The following UXS1 variants were observed in gnomAD, a reference collection of about 807,000 sequenced individuals.
UXS1 encodes the protein UDP-glucuronic acid decarboxylase 1.
In UXS1, 33 loss-of-function variants were observed where a neutral mutation model predicts 62.6. That is an observed-to-expected ratio of 0.53 (90% CI 0.40 to 0.70). The LOEUF is 0.70. Among genes scored for constraint, UXS1 ranks in the 30% least tolerant of loss-of-function variants. The probability of loss-of-function intolerance (pLI) is 0.00; values close to 1 mark genes in which losing one functional copy is unlikely to be tolerated. For missense variants in UXS1, 434 were observed against 556.3 expected, an observed-to-expected ratio of 0.78 and a Z score of 2.21; for synonymous variants, 213 against 206.8, an observed-to-expected ratio of 1.03 and a Z score of -0.26.
intron 1 of UXS1, among the ~76,000 whole-genome samples, chr2:106,193,053 C>T (rs903039955): frequency 1.3e-5 from 2 of 152,162 alleles, no homozygotes; most frequent in African/African-American, 4.8e-5. Flanking sequence ...CGCCTGAAAC[C>T]TCCCCTAGCA....
At chr2:106,106,050 G>T (rs1020675024) in intron 10 of UXS1, among the ~76,000 whole-genome samples, 1 of 152,180 alleles carries the variant, frequency 6.6e-6, no homozygotes, top group African/African-American at 2.4e-5. Context: ...AGGAAAAGGG[G>T]AAGGATCAGG....
intron 1 of UXS1, among the ~76,000 whole-genome samples, chr2:106,190,844 C>T (rs1279406388): frequency 6.6e-6 from 1 of 151,254 alleles, no homozygotes; most frequent in Non-Finnish European, 1.5e-5. Context: ...ACTTTTTACA[C>T]TATATGCATG....
At chr2:106,175,188 G>T (rs530229246) in intron 1 of UXS1, among the ~76,000 whole-genome samples, 1 of 152,284 alleles carries the variant, frequency 6.6e-6, no homozygotes, top group South Asian at 2.1e-4. Flanking sequence ...CATTCAAAAT[G>T]GAAATCTTGT....
rs1676848208 is a variant in UXS1, at chr2:106,093,716, TAAATA to T, written c.*305_*309del. 1 of 249,008 alleles carries T rather than the reference TAAATA, an allele frequency of 4.0e-6. No homozygotes were observed. Among genetic ancestry groups the T allele is most frequent in the Non-Finnish European group, 7.6e-6 (1 of 132,338 alleles). 15.4% of individuals were successfully genotyped at this position (249,008 alleles called of 1,614,324 possible). The stretch of plus-strand genomic sequence containing the variant: ...CTTTTCAGCTTCACAAAGAAACCAG[TAAATA>T]AAACTGTCAACGACAGTCACAACAT... On this transcript the variant is annotated 3_prime_UTR_variant, in exon 15 of 15. Transcript: ENST00000283148.
chr2:106,172,892 A>G (rs1233908529), intron 1 of UXS1, among the ~76,000 whole-genome samples: 2 of 152,062 alleles, frequency 1.3e-5, no homozygotes, highest in Non-Finnish European at 2.9e-5. Flanking sequence ...CTTTGCACTT[A>G]CACTTCTCCC....
intron 14 of UXS1, among the ~76,000 whole-genome samples, chr2:106,095,837 G>T (rs1014557024): frequency 2.0e-5 from 3 of 152,254 alleles, no homozygotes; most frequent in African/African-American, 7.2e-5. Context: ...CAGCCCTGAG[G>T]ACGAGCGTTC....
intron 1 of UXS1, among the ~76,000 whole-genome samples, chr2:106,178,561 T>G (rs1291173186): frequency 6.6e-6 from 1 of 151,160 alleles, no homozygotes; most frequent in Non-Finnish European, 1.5e-5. Context: ...CAAGTGGGTG[T>G]GTGTGTGTAT....
chr2:106,128,739 T>C (rs1680183938), intron 7 of UXS1, among the ~76,000 whole-genome samples: 1 of 152,214 alleles, frequency 6.6e-6, no homozygotes, highest in African/African-American at 2.4e-5. Context: ...CTACACATCC[T>C]ATTGGTTCTG....
intron 6 of UXS1, among the ~76,000 whole-genome samples, chr2:106,137,129 A>C (rs543923305): frequency 6.6e-6 from 1 of 152,274 alleles, no homozygotes; most frequent in South Asian, 2.1e-4. Flanking sequence ...GTTCGCTGAG[A>C]GGATCTGTCC....
At chr2:106,169,256 CTGAGAA>C (rs1683393992) in intron 1 of UXS1, among the ~76,000 whole-genome samples, 1 of 152,214 alleles carries the variant, frequency 6.6e-6, no homozygotes, top group Non-Finnish European at 1.5e-5. Flanking sequence ...AGCTGCTTTA[CTGAGAA>C]TAAGTATTCC....
intron 1 of UXS1, among the ~76,000 whole-genome samples, chr2:106,172,078 G>A (rs1468352222): frequency 1.3e-5 from 2 of 152,216 alleles, no homozygotes; most frequent in East Asian, 3.8e-4. Flanking sequence ...AGCGCTTGCG[G>A]ATGCACAAGT....
chr2:106,187,679 T>C (rs1243776348), intron 1 of UXS1, among the ~76,000 whole-genome samples: 1 of 151,060 alleles, frequency 6.6e-6, no homozygotes, highest in Non-Finnish European at 1.5e-5. Flanking sequence ...TACAACAAAA[T>C]CCACAATACA....
At chr2:106,096,183 G>A (rs1209138236) in intron 14 of UXS1, among the ~76,000 whole-genome samples, 1 of 151,700 alleles carries the variant, frequency 6.6e-6, no homozygotes, top group Non-Finnish European at 1.5e-5. Context: ...CACAGTCAGG[G>A]GTGTGTGTGT....
At chr2:106,188,174 CCT>C (rs989196523) in intron 1 of UXS1, among the ~76,000 whole-genome samples, 16 of 152,124 alleles carry the variant, frequency 1.1e-4, no homozygotes, top group African/African-American at 3.9e-4. Context: ...CCTCCCTGCC[CCT>C]CTCTCCATAT....
At chr2:106,185,195 C>A (rs908470762) in intron 1 of UXS1, among the ~76,000 whole-genome samples, 7 of 152,180 alleles carry the variant, frequency 4.6e-5, no homozygotes, top group Admixed American at 3.9e-4. Flanking sequence ...CAACTCAATG[C>A]CCCAGGTCTT....
rs1683047588 is a variant in UXS1 at position 106,163,726 on chromosome 2, C to T, written c.187-16G>A. ...GTTCAACCATCTAGAACAATAATAACAAAAATCAGTTTTAAAGCAAAAACA... is the reference window on the plus strand; with the variant it reads ...GTTCAACCATCTAGAACAATAATAATAAAAATCAGTTTTAAAGCAAAAACA... On this transcript the variant is annotated splice_polypyrimidine_tract_variant and intron_variant, in intron 3 of 14. Coordinates refer to ENST00000283148, the MANE Select transcript of UXS1 (RefSeq NM_001253875.2). The T allele has an allele frequency of 7.1e-7, 1 of 1,415,038 alleles. No homozygotes were observed. Among genetic ancestry groups the T allele is most frequent in the Admixed American group, 3.2e-5 (1 of 31,018 alleles). The allele number at this position is 1,415,038 out of a possible 1,614,324, so 87.7% of individuals were successfully genotyped here.
chr2:106,182,016 TAAG>T (rs796567980), intron 1 of UXS1, among the ~76,000 whole-genome samples: 3 of 152,354 alleles, frequency 2.0e-5, no homozygotes, highest in African/African-American at 4.8e-5. Flanking sequence ...TGCTTACTGT[TAAG>T]AAGTTTTGTT....
intron 9 of UXS1, among the ~76,000 whole-genome samples, chr2:106,114,130 C>A (rs964230344): frequency 7.9e-5 from 12 of 152,170 alleles, no homozygotes; most frequent in Admixed American, 5.2e-4. Flanking sequence ...ACACGGCCGC[C>A]ACCTCGGCCC....
intron 10 of UXS1, among the ~76,000 whole-genome samples, chr2:106,111,391 C>T (rs898113569): frequency 6.6e-6 from 1 of 152,164 alleles, no homozygotes; most frequent in African/African-American, 2.4e-5. Flanking sequence ...TTGGACTCAC[C>T]TCTCCCCAGG....
Sources: allele counts gnomAD v4.1 joint callset (sites outside exome capture counted in the v4.1 genomes callset), GRCh38; gene constraint gnomAD v4.1.1; transcripts MANE v1.5; gene names NCBI Gene and HGNC (gene_info 2026-07-23, HGNC 2026-07-21).